UBE3C: variants seen among roughly 807,000 people sequenced by gnomAD.
The protein encoded by UBE3C is ubiquitin protein ligase E3C.
In UBE3C, 42 loss-of-function variants were observed where a neutral mutation model predicts 129.4. That is an observed-to-expected ratio of 0.32 (90% CI 0.25 to 0.42). The LOEUF is 0.42. Ranked by LOEUF, UBE3C falls within the 10% of genes least tolerant of loss-of-function variation. UBE3C has a pLI of 1.00. For synonymous variants in UBE3C, 510 were observed against 492.4 expected (o/e 1.04, Z -0.47); for missense variants, 1,049 against 1,319.1 (o/e 0.80, Z 3.17).
chr7:157,149,948 A>C (rs73743208), intron 1 of UBE3C, among the ~76,000 whole-genome samples: 67 of 152,284 alleles, frequency 4.4e-4, no homozygotes, highest in African/African-American at 1.5e-3. Flanking sequence ...ATTTGTCAGC[A>C]TGAAGGAGAA....
At chr7:157,182,767 G>A (rs1436417332) in intron 8 of UBE3C, among the ~76,000 whole-genome samples, 5 of 151,796 alleles carry the variant, frequency 3.3e-5, no homozygotes. Context: ...GTGCGGGGGG[G>A]TATATAGAGT....
intron 22 of UBE3C, among the ~76,000 whole-genome samples, chr7:157,261,076 G>A (rs1796891434): frequency 6.6e-6 from 1 of 151,962 alleles, no homozygotes; most frequent in African/African-American, 2.4e-5. Context: ...GCCAAGGCGG[G>A]TGGATCCCCT....
At chr7:157,147,917 A>G (rs1807651421) in intron 1 of UBE3C, among the ~76,000 whole-genome samples, 1 of 152,100 alleles carries the variant, frequency 6.6e-6, no homozygotes, top group Non-Finnish European at 1.5e-5. Context: ...AATTCTTTGT[A>G]TACGATGTTA....
At chr7:157,218,467 A>G (rs78465844) in intron 14 of UBE3C, among the ~76,000 whole-genome samples, 4 of 152,126 alleles carry the variant, frequency 2.6e-5, no homozygotes, top group Non-Finnish European at 5.9e-5. Context: ...AAAAAAAAAA[A>G]CCATGTCACA....
intron 7 of UBE3C, 109 bp downstream of exon 7, chr7:157,181,780 A>G: frequency 1.4e-6 from 2 of 1,395,448 alleles, no homozygotes; most frequent in Non-Finnish European, 2.0e-6. Context: ...TCAGGTTTTT[A>G]CTTTATTAGT....
chr7:157,237,657 C>CT (rs1477569156), intron 18 of UBE3C, among the ~76,000 whole-genome samples: 1 of 152,222 alleles, frequency 6.6e-6, no homozygotes, highest in East Asian at 1.9e-4. Context: ...GTTAATTTGT[C>CT]ACCATGAAGA....
chr7:157,223,653 G>T (rs1450488401), intron 16 of UBE3C, among the ~76,000 whole-genome samples: 1 of 152,184 alleles, frequency 6.6e-6, no homozygotes, highest in Non-Finnish European at 1.5e-5. Flanking sequence ...GCCAGGTACA[G>T]TGGCTCATGC....
chr7:157,207,843 A>G lies in UBE3C; in HGVS notation c.1717A>G (p.Ile573Val), dbSNP rs767823017. 2 of 1,614,118 alleles carry G rather than the reference A, an allele frequency of 1.2e-6. No homozygotes were observed. The highest frequency in any genetic ancestry group is 1.1e-5 in the South Asian group (1 of 91,074). The stretch of plus-strand genomic sequence containing the variant: ...CAAGCCAGAAGTTCGAGAAGAATAT[A>G]TTACAGCATTTCAGAGTATTGGAGT... ...ETKPEVREEY[I>V]TAFQSIGVTT... Residue 573 changes from isoleucine (I) to valine (V), a missense_variant, in exon 13 of 23, where the codon ATT becomes GTT. Physicochemically the swap from Ile to Val is conservative, Grantham distance 29 (BLOSUM62 3). Around this residue, in one of 4 missense-constraint regions of UBE3C, gnomAD observed 314 missense variants for 416.9 expected, o/e 0.75. Coordinates refer to ENST00000348165, the MANE Select transcript of UBE3C (RefSeq NM_014671.3).
chr7:157,213,494 T>A (rs972686898), intron 13 of UBE3C, among the ~76,000 whole-genome samples: 28 of 152,244 alleles, frequency 1.8e-4, no homozygotes, highest in African/African-American at 6.8e-4. Flanking sequence ...TAACTCACTT[T>A]GAGCACATTT....
intron 10 of UBE3C, among the ~76,000 whole-genome samples, chr7:157,187,777 C>T (rs1468152451): frequency 6.6e-6 from 1 of 151,944 alleles, no homozygotes; most frequent in East Asian, 1.9e-4. Context: ...GGGGTTTCAC[C>T]ATGTTAGCCA....
intron 2 of UBE3C, among the ~76,000 whole-genome samples, chr7:157,164,865 G>A (rs1481498227): frequency 1.3e-5 from 2 of 152,188 alleles, no homozygotes; most frequent in African/African-American, 4.8e-5. Context: ...ACAGCTGGAA[G>A]GGCCTATATT....
intron 10 of UBE3C, among the ~76,000 whole-genome samples, chr7:157,197,218 A>C (rs2116973123): frequency 6.6e-6 from 1 of 152,360 alleles, no homozygotes. Context: ...AAGATTTCTT[A>C]ATGGCTGTTA....
intron 21 of UBE3C, among the ~76,000 whole-genome samples, chr7:157,256,414 A>G (rs1439569554): frequency 3.4e-5 from 5 of 148,572 alleles, no homozygotes; most frequent in Admixed American, 2.0e-4. Context: ...AAGTGCTGGG[A>G]TTACAGGTGT....
intron 18 of UBE3C, among the ~76,000 whole-genome samples, chr7:157,236,915 A>G (rs1222285254): frequency 6.6e-6 from 1 of 151,916 alleles, no homozygotes; most frequent in African/African-American, 2.4e-5. Context: ...TATTTTTAGT[A>G]GAGACGGGGT....
chr7:157,175,137 C>CTTTTTTTTTTTTTTTTTTTT lies in UBE3C; in HGVS notation c.458+105_458+124dup, dbSNP rs56852731. On this transcript the variant is annotated intron_variant, in intron 5 of 22. Transcript: ENST00000348165. The stretch of plus-strand genomic sequence containing the variant: ...TTTCAGAGACAGTGGCTTTTCCATA[C>CTTTTTTTTTTTTTTTTTTTT]TTTTTTTTTTTTTTTTTTTTTGAGG... 10 of 226,518 alleles carry CTTTTTTTTTTTTTTTTTTTT rather than the reference C, an allele frequency of 4.4e-5. 1 individual carries two copies. The highest frequency in any genetic ancestry group is 1.7e-4 in the African/African-American group (4 of 23,458). 14.0% of individuals were successfully genotyped at this position (226,518 alleles called of 1,614,324 possible).
chr7:157,148,115 G>A (rs1807655860), intron 1 of UBE3C, among the ~76,000 whole-genome samples: 1 of 149,672 alleles, frequency 6.7e-6, no homozygotes, highest in Non-Finnish European at 1.5e-5. Flanking sequence ...TTGTTTTTTT[G>A]AGACAGAGTC....
chr7:157,266,747 T>A (rs1258456762), intron 22 of UBE3C, among the ~76,000 whole-genome samples: 1 of 152,174 alleles, frequency 6.6e-6, no homozygotes, highest in Non-Finnish European at 1.5e-5. Flanking sequence ...TTTTAAAAAA[T>A]TTTTATAGAC....
At chr7:157,217,014 C>A (rs1318808458) in intron 14 of UBE3C, 43 bp downstream of exon 14, 1 of 1,461,806 alleles carries the variant, frequency 6.8e-7, no homozygotes. Flanking sequence ...TTAAAAAATA[C>A]ATTCAGCTTG....
At chr7:157,203,879 A>G (rs1187626914) in intron 11 of UBE3C, among the ~76,000 whole-genome samples, 1 of 152,330 alleles carries the variant, frequency 6.6e-6, no homozygotes. Flanking sequence ...GTTGAAATGC[A>G]TTCAAGACAC....
Sources: allele counts gnomAD v4.1 joint callset (sites outside exome capture counted in the v4.1 genomes callset), GRCh38; gene constraint gnomAD v4.1.1; regional missense constraint gnomAD v4.1.1; transcripts MANE v1.5; gene names NCBI Gene and HGNC (gene_info 2026-07-23, HGNC 2026-07-21).